The following DYM variants were observed in gnomAD, a reference collection of about 807,000 sequenced individuals.
DYM encodes the protein dyggve-Melchior-Clausen syndrome protein.
A neutral mutation model predicts 93.1 loss-of-function variants in DYM; 78 were observed. The ratio of observed to expected loss-of-function variants is 0.84; its 90% CI spans 0.70 to 1.01. DYM has a LOEUF of 1.01. DYM is among the 50% of genes least tolerant of loss of function. The pLI, the probability that DYM is intolerant of heterozygous loss-of-function variation, is 0.00. For synonymous variants in DYM, 321 were observed against 319.7 expected (o/e 1.00, Z -0.04); for missense variants, 789 against 845.0 (o/e 0.93, Z 0.82).
chr18:49,212,247 T>A (rs1204176827), intron 13 of DYM, among the ~76,000 whole-genome samples: 1 of 152,186 alleles, frequency 6.6e-6, no homozygotes, highest in African/African-American at 2.4e-5. Context: ...GATTCCTGAC[T>A]TGGAGGAGAA....
intron 1 of DYM, among the ~76,000 whole-genome samples, chr18:49,445,487 T>C (rs1004520427): frequency 1.3e-5 from 2 of 151,742 alleles, no homozygotes; most frequent in South Asian, 2.1e-4. Context: ...GGAGAAAAGA[T>C]AAAAGTTAAG....
chr18:49,263,913 T>A (rs1247174026), intron 11 of DYM, among the ~76,000 whole-genome samples: 1 of 152,182 alleles, frequency 6.6e-6, no homozygotes. Flanking sequence ...AGTGCAGTCA[T>A]AGAAGACTTC....
At chr18:49,293,381 A>G (rs181500564) in intron 8 of DYM, among the ~76,000 whole-genome samples, 2 of 152,318 alleles carry the variant, frequency 1.3e-5, no homozygotes, top group Non-Finnish European at 2.9e-5. Flanking sequence ...TTCTGGTTCT[A>G]GATCCTTGAG....
intron 15 of DYM, among the ~76,000 whole-genome samples, chr18:49,143,005 C>T (rs906078397): frequency 7.2e-5 from 11 of 152,132 alleles, no homozygotes. Flanking sequence ...ATGGAAAAGA[C>T]CTTTTCTTAC....
At chr18:49,331,817 TA>T in intron 8 of DYM, 46 bp downstream of exon 8, 1 of 1,610,500 alleles carries the variant, frequency 6.2e-7, no homozygotes, top group Non-Finnish European at 8.5e-7. Context: ...CCTAAATAGA[TA>T]AAATTTATGT....
intron 17 of DYM, among the ~76,000 whole-genome samples, chr18:49,094,632 C>T (rs2079379220): frequency 6.6e-6 from 1 of 152,210 alleles, no homozygotes; most frequent in Admixed American, 6.5e-5. Flanking sequence ...AAATAGTATG[C>T]ATTCCCACAT....
At chr18:49,169,905 A>T (rs1254006659) in intron 14 of DYM, among the ~76,000 whole-genome samples, 1 of 152,174 alleles carries the variant, frequency 6.6e-6, no homozygotes, top group African/African-American at 2.4e-5. Flanking sequence ...AGAGATGAGG[A>T]TGCCTTAAAG....
intron 17 of DYM, among the ~76,000 whole-genome samples, chr18:49,057,678 C>G (rs1439278386): frequency 6.6e-6 from 1 of 152,202 alleles, no homozygotes; most frequent in African/African-American, 2.4e-5. Flanking sequence ...ATTTCATGCT[C>G]CCCATGGCAA....
intron 13 of DYM, among the ~76,000 whole-genome samples, chr18:49,216,508 A>AG (rs2093054689): frequency 6.6e-6 from 1 of 152,178 alleles, no homozygotes; most frequent in African/African-American, 2.4e-5. Flanking sequence ...ACCCCCCAGT[A>AG]GGGGCAGACT....
chr18:49,313,623 G>A lies in DYM; in HGVS notation c.763+18241C>T, dbSNP rs562867096. 2.0e-5 allele frequency among the ~76,000 whole-genome samples: 3 copies of A among 151,778 alleles called. No homozygotes were observed. In the East Asian group the frequency reaches 5.8e-4, roughly 29 times the overall value. On this transcript the variant is annotated intron_variant, in intron 8 of 17. Coordinates refer to ENST00000675505, the MANE Select transcript of DYM (RefSeq NM_001353214.3). Reference sequence around the variant, plus strand: ...GAAATAACCATAAAAATGGGCAACCGGCAGCCCTCAGGACTGCTCTGTCTA... The same window carrying A: ...GAAATAACCATAAAAATGGGCAACCAGCAGCCCTCAGGACTGCTCTGTCTA...
chr18:49,449,938 G>A (rs552699607), intron 1 of DYM, among the ~76,000 whole-genome samples: 7 of 152,238 alleles, frequency 4.6e-5, no homozygotes, highest in Admixed American at 2.6e-4. Flanking sequence ...AAAAGTTGCT[G>A]AGAGTTAACA....
Position 49,134,528 on chromosome 18 carries a change from T to G in DYM, c.1729-15602A>C, listed in dbSNP as rs556258439. Among the ~76,000 whole-genome samples, 12 of 152,368 alleles carry G rather than the reference T, an allele frequency of 7.9e-5. No individual in the cohort carries two copies. In the East Asian group the frequency reaches 2.3e-3, roughly 29 times the overall value. On this transcript the variant is annotated intron_variant, in intron 15 of 17. Coordinates refer to ENST00000675505, the MANE Select transcript of DYM (RefSeq NM_001353214.3). ...TTAATACATAAAACGAATGCTGTCT[T>G]GATTTAATTATTTCTACATGGAAAT... is the stretch of plus-strand genomic sequence containing the variant.
chr18:49,381,796 G>A, intron 3 of DYM, among the ~76,000 whole-genome samples: 1 of 151,974 alleles, frequency 6.6e-6, no homozygotes, highest in Admixed American at 6.6e-5. Flanking sequence ...GAATAGATAT[G>A]TGATCAGATA....
chr18:49,306,525 T>C (rs1228356704), intron 8 of DYM, among the ~76,000 whole-genome samples: 1 of 152,184 alleles, frequency 6.6e-6, no homozygotes, highest in East Asian at 1.9e-4. Flanking sequence ...CCTGGAACAT[T>C]AATTTTCTAA....
At chr18:49,103,440 G>T (rs1022712351) in intron 16 of DYM, among the ~76,000 whole-genome samples, 14 of 152,146 alleles carry the variant, frequency 9.2e-5, no homozygotes, top group East Asian at 3.8e-4. Flanking sequence ...GTCAATTTTA[G>T]CTTTTGTTGC....
intron 17 of DYM, among the ~76,000 whole-genome samples, chr18:49,096,006 C>T (rs2079512623): frequency 6.6e-6 from 1 of 152,062 alleles, no homozygotes; most frequent in Admixed American, 6.6e-5. Context: ...TACTGGTTCA[C>T]ATGGTATAGT....
chr18:49,101,108 T>C (rs1357844710), intron 16 of DYM, among the ~76,000 whole-genome samples: 1 of 152,208 alleles, frequency 6.6e-6, no homozygotes, highest in Non-Finnish European at 1.5e-5. Context: ...CTACAACAGA[T>C]GTGTGGCTTT....
At chr18:49,380,841 A>G (rs2067980174) in intron 3 of DYM, among the ~76,000 whole-genome samples, 1 of 152,360 alleles carries the variant, frequency 6.6e-6, no homozygotes, top group African/African-American at 2.4e-5. Context: ...ATGGTTTTCA[A>G]AATGTGAGAT....
chr18:49,036,419 A>T lies in DYM; in HGVS notation c.*7636T>A, dbSNP rs1027411087. Among the ~76,000 whole-genome samples, 1 of 151,918 alleles carries T rather than the reference A, an allele frequency of 6.6e-6. No individual in the cohort carries two copies. The highest frequency in any genetic ancestry group is 2.4e-5 in the African/African-American group (1 of 41,324). ...TCTAAAAACAACTTTAATGAGGCAT[A>T]CTTAATATATAAAACTGCACATATG... is the stretch of plus-strand genomic sequence containing the variant. On this transcript the variant is annotated 3_prime_UTR_variant, in exon 18 of 18. Coordinates refer to ENST00000675505, the MANE Select transcript of DYM (RefSeq NM_001353214.3).
Sources: allele counts gnomAD v4.1 joint callset (sites outside exome capture counted in the v4.1 genomes callset), GRCh38; gene constraint gnomAD v4.1.1; transcripts MANE v1.5; gene names NCBI Gene and HGNC (gene_info 2026-07-23, HGNC 2026-07-21).